The following AGAP6 variants were observed in gnomAD, a reference collection of about 807,000 sequenced individuals.
The protein encoded by AGAP6 is ArfGAP with GTPase domain, ankyrin repeat and PH domain 6.
AGAP6 carries 29 observed loss-of-function variants against 63.9 expected under a neutral mutation model. That is an observed-to-expected ratio of 0.45 (90% CI 0.34 to 0.62). The LOEUF (loss-of-function observed/expected upper bound fraction) is 0.62, where lower values mean the gene tolerates loss of function less well. Among genes scored for constraint, AGAP6 ranks in the 20% least tolerant of loss-of-function variants. The pLI, the probability that AGAP6 is intolerant of heterozygous loss-of-function variation, is 0.01. For missense variants in AGAP6, 493 were observed against 884.9 expected, an observed-to-expected ratio of 0.56 and a Z score of 5.62; for synonymous variants, 199 against 332.9, an observed-to-expected ratio of 0.60 and a Z score of 4.38.
chr10:49,993,743 C>T (rs1841373244), intron 3 of AGAP6, among the ~76,000 whole-genome samples: 1 of 151,120 alleles, frequency 6.6e-6, no homozygotes, highest in Non-Finnish European at 1.5e-5. Flanking sequence ...TTGGTTGAAC[C>T]TGGGAGGCAG....
chr10:50,008,957 A>T lies in AGAP6; in HGVS notation c.832A>T (p.Ser278Cys). Residue 278 changes from serine to cysteine, a missense_variant, in exon 8 of 8, where the codon AGC becomes TGC. Ser to Cys is a moderately radical substitution (Grantham distance 112). This residue lies in a region of AGAP6 where 342 missense variants were observed against 533.4 expected (regional missense o/e 0.64). Transcript: ENST00000412531. ...APENHADTIGSGRAIPIKQGM... is the reference protein window; with the variant it reads ...APENHADTIGCGRAIPIKQGM... Reference sequence around the variant, plus strand: ...GGAGAATCATGCTGACACCATCGGGAGCGGTAGAGCCATCCCCATTAAACA... The same window carrying T: ...GGAGAATCATGCTGACACCATCGGGTGCGGTAGAGCCATCCCCATTAAACA... 2 of 1,614,000 alleles carry T rather than the reference A, an allele frequency of 1.2e-6. No individual in the cohort carries two copies. The highest frequency in any genetic ancestry group is 8.5e-7 in the Non-Finnish European group (1 of 1,179,912).
In AGAP6 at chr10:49,998,014, A is replaced by G. The variant is rs1460227705; in HGVS notation, c.396+3585A>G. Among the ~76,000 whole-genome samples, 2 of 118,682 alleles carry G rather than the reference A, an allele frequency of 1.7e-5. 1 individual carries two copies. The highest frequency in any genetic ancestry group is 2.0e-4 in the Admixed American group (2 of 9,874). 77.9% of individuals were successfully genotyped at this position (118,682 alleles called of 152,430 possible). A position where few individuals can be genotyped will look rare whatever the true frequency, so the allele number is the denominator to read the frequency against. ...CTCATATATATATATATATATATAT[A>G]TGTATGTATATCACGGTTTCTTTAT... On this transcript the variant is annotated intron_variant, in intron 4 of 7. Transcript: ENST00000412531.
At chr10:49,994,717 C>T (rs1162726559) in intron 4 of AGAP6, among the ~76,000 whole-genome samples, 2 of 152,082 alleles carry the variant, frequency 1.3e-5, no homozygotes, top group Non-Finnish European at 2.9e-5. Flanking sequence ...AATCACAACA[C>T]TTTAGGAGGC....
rs782177959 is a variant in AGAP6, at chr10:50,009,623, A to G, written c.1498A>G (p.Ile500Val). The G allele has an allele frequency of 6.2e-7, 1 of 1,613,606 alleles. No individual in the cohort carries two copies. Among genetic ancestry groups the G allele is most frequent in the African/African-American group, 1.3e-5 (1 of 75,050 alleles). Residue 500 changes from isoleucine (I) to valine (V), a missense_variant, in exon 8 of 8, where the codon ATT (isoleucine) becomes GTT (valine). Around this residue, in one of 7 missense-constraint regions of AGAP6, gnomAD observed 87 missense variants for 92.9 expected, o/e 0.94. Coordinates refer to ENST00000412531, the MANE Select transcript of AGAP6 (RefSeq NM_001077665.3). ...ASLNLGVLMCIECSGIHRSLG... is the reference protein window; with the variant it reads ...ASLNLGVLMCVECSGIHRSLG... ...TTTGAACTTGGGAGTCCTCATGTGT[A>G]TTGAATGCTCAGGTATCCACCGCAG...
At chr10:49,995,667 C>T (rs1197682931) in intron 4 of AGAP6, among the ~76,000 whole-genome samples, 2 of 152,140 alleles carry the variant, frequency 1.3e-5, no homozygotes, top group African/African-American at 4.8e-5. Context: ...CACGTAACTG[C>T]TGTCTTGTGT....
chr10:49,989,517 A>G, intron 2 of AGAP6, 141 bp downstream of exon 2: 2 of 1,388,642 alleles, frequency 1.4e-6, no homozygotes, highest in Non-Finnish European at 1.9e-6. Context: ...CTTTGTACCT[A>G]TCCAGATGGT....
In AGAP6 at chr10:49,988,630, A is replaced by G. The variant is rs1554860032; in HGVS notation, c.-86A>G. 1 of 1,552,548 alleles carries G rather than the reference A, an allele frequency of 6.4e-7. No individual in the cohort carries two copies. Among genetic ancestry groups the G allele is most frequent in the African/African-American group, 1.4e-5 (1 of 73,836 alleles). On this transcript the variant is annotated 5_prime_UTR_variant, in exon 1 of 8. Transcript: ENST00000412531. Reference sequence around the variant, plus strand: ...GCGGGAAGACCATCTCTGCAAGTGCAGCATAGCCTCGGCCTAGGACAGCGG... The same window carrying G: ...GCGGGAAGACCATCTCTGCAAGTGCGGCATAGCCTCGGCCTAGGACAGCGG...
chr10:50,004,980 G>A (rs1301682318), intron 6 of AGAP6, among the ~76,000 whole-genome samples: 4 of 152,238 alleles, frequency 2.6e-5, no homozygotes, highest in Admixed American at 1.3e-4. Context: ...TTCAAAATCT[G>A]TTTTTAGTTT....
intron 4 of AGAP6, among the ~76,000 whole-genome samples, chr10:50,000,904 CT>C (rs1395622875): frequency 1.0e-5 from 1 of 98,758 alleles, no homozygotes; most frequent in African/African-American, 4.1e-5. Context: ...TGAAACACTT[CT>C]TTTGTAACAA....
Position 49,989,191 on chromosome 10 carries a change from G to T in AGAP6, c.224-117G>T, listed in dbSNP as rs374334093. The T allele has an allele frequency of 1.7e-3, 2,515 of 1,498,296 alleles. 73 individuals are homozygous for T. In the East Asian group the frequency reaches 0.055, roughly 33 times the overall value. 92.8% of individuals were successfully genotyped at this position (1,498,296 alleles called of 1,614,324 possible). ...TTGCTCTCTCATCTCATTCTCCCAG[G>T]CTGGCATGGGACCATTTATTTATGG... is the stretch of plus-strand genomic sequence containing the variant. On this transcript the variant is annotated intron_variant, in intron 1 of 7. Coordinates refer to ENST00000412531, the MANE Select transcript of AGAP6 (RefSeq NM_001077665.3).
At position 49,988,560 on chromosome 10, in the gene AGAP6, C is replaced by T; in HGVS notation, c.-156C>T. The stretch of plus-strand genomic sequence containing the variant: ...CCGCAGCCCTAGCCGGGGCCGGGGC[C>T]AGGGCTGGTGCCCGGGGCCTCGCTG... On this transcript the variant is annotated 5_prime_UTR_variant, in exon 1 of 8. Transcript: ENST00000412531. The T allele has an allele frequency of 6.5e-7, 1 of 1,539,750 alleles. No individual in the cohort carries two copies. The highest frequency in any genetic ancestry group is 8.7e-7 in the Non-Finnish European group (1 of 1,148,912).
In AGAP6 at chr10:50,008,929, C is replaced by A; in HGVS notation, c.804C>A (p.Ala268=). 1 of 1,613,900 alleles carries A rather than the reference C, an allele frequency of 6.2e-7. No homozygotes were observed. Among genetic ancestry groups the A allele is most frequent in the Non-Finnish European group, 8.5e-7 (1 of 1,179,928 alleles). Residue 268 remains alanine (A), a synonymous_variant, in exon 8 of 8, where the codon GCC becomes GCA. Transcript: ENST00000412531. The stretch of plus-strand genomic sequence containing the variant: ...GTGACCCAGACAAAGAGAGGAAAGC[C>A]CCGGAGAATCATGCTGACACCATCG... The part of the protein sequence containing the change: ...KGSDPDKERK[A]PENHADTIGS...
chr10:49,992,404 G>C (rs1284093512), intron 3 of AGAP6, among the ~76,000 whole-genome samples: 3 of 152,182 alleles, frequency 2.0e-5, no homozygotes, highest in African/African-American at 7.2e-5. Flanking sequence ...TAAACAGCAA[G>C]AATACAAGTG....
At chr10:50,004,072 C>G (rs1266392923) in intron 5 of AGAP6, among the ~76,000 whole-genome samples, 1 of 152,140 alleles carries the variant, frequency 6.6e-6, no homozygotes, top group Non-Finnish European at 1.5e-5. Flanking sequence ...GTAATCCCAG[C>G]CACTTGGGAG....
At chr10:49,991,527 G>A in intron 2 of AGAP6, 149 bp from the exon 3 acceptor site, 2 of 1,122,986 alleles carry the variant, frequency 1.8e-6, no homozygotes, top group South Asian at 3.3e-5. Context: ...ATCTTGCCTG[G>A]CTCTATCTTA....
chr10:49,997,232 G>A (rs1160632487), intron 4 of AGAP6, among the ~76,000 whole-genome samples: 1 of 151,732 alleles, frequency 6.6e-6, no homozygotes, highest in East Asian at 1.9e-4. Context: ...CAACATAGAT[G>A]GAGCTGTTTT....
At chr10:49,992,491 A>G (rs1214117244) in intron 3 of AGAP6, among the ~76,000 whole-genome samples, 9 of 152,198 alleles carry the variant, frequency 5.9e-5, no homozygotes, top group Non-Finnish European at 8.8e-5. Context: ...TTATAGTTTG[A>G]GTAGACTTTG....
chr10:49,993,574 TTGGGAGAC>T (rs1273604645), intron 3 of AGAP6, among the ~76,000 whole-genome samples: 1 of 152,138 alleles, frequency 6.6e-6, no homozygotes, highest in Non-Finnish European at 1.5e-5. Flanking sequence ...TCCCAGCTCT[TTGGGAGAC>T]TGAGGTGGGT....
chr10:49,995,359 A>G (rs1419382145), intron 4 of AGAP6, among the ~76,000 whole-genome samples: 3 of 152,200 alleles, frequency 2.0e-5, no homozygotes, highest in African/African-American at 7.2e-5. Flanking sequence ...ATTGTTAAGT[A>G]GCCTCTGGGT....
Sources: gnomAD v4.1 joint callset for allele counts (sites outside exome capture counted in the v4.1 genomes callset) on GRCh38, gnomAD v4.1.1 for gene constraint, gnomAD v4.1.1 regional missense constraint, MANE v1.5 for transcripts, NCBI Gene and HGNC (gene_info 2026-07-23, HGNC 2026-07-21) for gene names.